Variants in SMIM36 observed in about 807,000 individuals in gnomAD.
SMIM36 encodes the protein small integral membrane protein 36.
At chr17:55,526,385 C>T in the SMIM36 span, among the ~76,000 whole-genome samples, 1 of 152,066 alleles carries the variant, frequency 6.6e-6, no homozygotes, top group Non-Finnish European at 1.5e-5. Flanking sequence ...TCTTGAACTC[C>T]TGAGCTCAGG....
intron 3 of SMIM36, among the ~76,000 whole-genome samples, chr17:55,473,784 T>C (rs1380173750): frequency 6.6e-6 from 1 of 152,126 alleles, no homozygotes; most frequent in Non-Finnish European, 1.5e-5. Context: ...CCAACCTTGT[T>C]CCAGATAAGG....
chr17:55,509,148 A>G (rs1001427968), intron 1 of SMIM36, among the ~76,000 whole-genome samples: 2 of 152,182 alleles, frequency 1.3e-5, no homozygotes, highest in African/African-American at 4.8e-5. Context: ...TTAACAATCC[A>G]AAGGCAAAAC....
Position 55,489,031 on chromosome 17 carries a change from G to T in SMIM36, c.*175-9451C>A, listed in dbSNP as rs181756167. ...GTCACAACTCTGCGGTAGATACCAT[G>T]GTTATTCAACATGTACAATAGGGAA... On this transcript the variant is annotated intron_variant, in intron 1 of 4. Coordinates refer to ENST00000636752, the Ensembl canonical transcript of SMIM36. Among the ~76,000 whole-genome samples, 10 of 152,182 alleles carry T rather than the reference G, an allele frequency of 6.6e-5. No homozygotes were observed. The East Asian group carries it at 7.7e-4, about 12-fold the overall frequency.
chr17:55,450,499 G>A (rs1908892349), intron 4 of SMIM36, among the ~76,000 whole-genome samples: 1 of 152,142 alleles, frequency 6.6e-6, no homozygotes, highest in African/African-American at 2.4e-5. Context: ...ATAGAACATG[G>A]ATCTCACAGT....
At chr17:55,501,322 T>TATAGAA (rs1567871068) in intron 1 of SMIM36, among the ~76,000 whole-genome samples, 11 of 67,064 alleles carry the variant, frequency 1.6e-4, no homozygotes, top group African/African-American at 1.4e-3. Context: ...ATATTATATT[T>TATAGAA]TATAATATAT....
intron 4 of SMIM36, among the ~76,000 whole-genome samples, chr17:55,466,788 T>C (rs1330417913): frequency 6.6e-6 from 1 of 152,236 alleles, no homozygotes; most frequent in East Asian, 1.9e-4. Flanking sequence ...GACTTGGTGG[T>C]ATCGGAGGTG....
exon 1 of SMIM36, chr17:55,511,195 G>T (rs1300188728): frequency 7.5e-6 from 3 of 398,522 alleles, no homozygotes; most frequent in Non-Finnish European, 1.3e-5. Flanking sequence ...GGCCTCGGGC[G>T]CGTACTCCTT....
chr17:55,498,999 C>CAAAAAAAAAAAAAAAAAAAACAA (rs60117513), intron 1 of SMIM36, among the ~76,000 whole-genome samples: 1 of 67,048 alleles, frequency 1.5e-5, no homozygotes, highest in Non-Finnish European at 3.0e-5. Flanking sequence ...ACTCTGTCAC[C>CAAAAAAAAAAAAAAAAAAAACAA]AAAAAAAAAA....
chr17:55,486,040 CTTTT>C (rs11356976), intron 1 of SMIM36, among the ~76,000 whole-genome samples: 1 of 135,660 alleles, frequency 7.4e-6, no homozygotes, highest in African/African-American at 2.8e-5. Context: ...TTCCTTTATT[CTTTT>C]TTTTTTTTTG....
intron 3 of SMIM36, among the ~76,000 whole-genome samples, chr17:55,470,205 C>T (rs1215692437): frequency 1.3e-5 from 2 of 152,096 alleles, no homozygotes; most frequent in African/African-American, 2.4e-5. Context: ...ACTCCCAGAG[C>T]CCCTGGAACT....
the SMIM36 span, among the ~76,000 whole-genome samples, chr17:55,525,895 C>T: frequency 2.6e-5 from 4 of 151,964 alleles, no homozygotes; most frequent in South Asian, 8.3e-4. Flanking sequence ...TGTGCTCAAG[C>T]GATCCGCCTG....
intron 1 of SMIM36, among the ~76,000 whole-genome samples, chr17:55,507,593 G>T (rs1234039765): frequency 2.9e-5 from 3 of 104,462 alleles, no homozygotes; most frequent in African/African-American, 1.1e-4. Context: ...TGGGGGGAGG[G>T]GGGAGGGATA....
the SMIM36 span, among the ~76,000 whole-genome samples, chr17:55,521,132 CA>C: frequency 7.4e-4 from 106 of 143,186 alleles, no homozygotes; most frequent in African/African-American, 2.3e-3. Context: ...GATTGCATCT[CA>C]AAAAAAAAAA....
intron 4 of SMIM36, among the ~76,000 whole-genome samples, chr17:55,455,488 A>G (rs1325081929): frequency 6.6e-6 from 1 of 152,056 alleles, no homozygotes; most frequent in Non-Finnish European, 1.5e-5. Context: ...AATCGCTTAA[A>G]ATCTATTAAT....
intron 1 of SMIM36, among the ~76,000 whole-genome samples, chr17:55,490,848 A>G (rs1452327285): frequency 6.6e-6 from 1 of 152,036 alleles, no homozygotes; most frequent in Non-Finnish European, 1.5e-5. Flanking sequence ...AAAATGATAT[A>G]GTATAATGTG....
At chr17:55,507,719 A>T (rs1413714628) in intron 1 of SMIM36, among the ~76,000 whole-genome samples, 1 of 150,604 alleles carries the variant, frequency 6.6e-6, no homozygotes, top group Non-Finnish European at 1.5e-5. Context: ...CCTAAAACTT[A>T]AAGTATAATA....
intron 1 of SMIM36, among the ~76,000 whole-genome samples, chr17:55,493,788 C>A (rs758746959): frequency 8.5e-6 from 1 of 118,194 alleles, no homozygotes; most frequent in Non-Finnish European, 1.6e-5. Flanking sequence ...CCAGCATGGG[C>A]AGCAGAGCTC....
intron 1 of SMIM36, among the ~76,000 whole-genome samples, chr17:55,492,285 C>T (rs1450568628): frequency 7.3e-6 from 1 of 137,830 alleles, no homozygotes; most frequent in East Asian, 2.1e-4. Flanking sequence ...ATTCTGTCAC[C>T]AGGCTGGATT....
At chr17:55,480,244 A>T (rs1362362901) in intron 1 of SMIM36, among the ~76,000 whole-genome samples, 1 of 148,386 alleles carries the variant, frequency 6.7e-6, no homozygotes, top group African/African-American at 2.5e-5. Context: ...AGCGTTCTAA[A>T]AAAAAAAAAA....
Sources: allele counts gnomAD v4.1 joint callset (sites outside exome capture counted in the v4.1 genomes callset), GRCh38; gene constraint gnomAD v4.1.1; transcripts MANE v1.5; gene names NCBI Gene and HGNC (gene_info 2026-07-23, HGNC 2026-07-21).